The following DIP2B variants were observed in gnomAD, a reference collection of about 807,000 sequenced individuals.
DIP2B encodes disco-interacting protein 2 homolog B.
A neutral mutation model predicts 198.0 loss-of-function variants in DIP2B; 76 were observed. The ratio of observed to expected loss-of-function variants is 0.38; its 90% CI spans 0.32 to 0.46. The LOEUF (loss-of-function observed/expected upper bound fraction) is 0.46, where lower values mean the gene tolerates loss of function less well. Among genes scored for constraint, DIP2B ranks in the 20% least tolerant of loss-of-function variants. DIP2B has a pLI of 0.99. For synonymous variants in DIP2B, 701 were observed against 739.1 expected (o/e 0.95, Z 0.84); for missense variants, 1,559 against 1,978.4 (o/e 0.79, Z 4.02).
chr12:50,665,631 A>T (rs1938738728), intron 4 of DIP2B, among the ~76,000 whole-genome samples: 2 of 152,116 alleles, frequency 1.3e-5, no homozygotes, highest in East Asian at 1.9e-4. Context: ...TAAAAATTTT[A>T]AAAATTAGCT....
At chr12:50,572,180 CAT>C (rs761270992) in intron 1 of DIP2B, among the ~76,000 whole-genome samples, 1 of 152,118 alleles carries the variant, frequency 6.6e-6, no homozygotes, top group African/African-American at 2.4e-5. Context: ...ACTTTATCCT[CAT>C]GTGTGTTCCA....
At chr12:50,725,852 A>G (rs1027375716) in intron 28 of DIP2B, among the ~76,000 whole-genome samples, 11 of 138,984 alleles carry the variant, frequency 7.9e-5, no homozygotes, top group African/African-American at 2.7e-4. Flanking sequence ...TGTCCTCCCT[A>G]CCCTTTTTTT....
At chr12:50,672,566 AT>A (rs1703378082) in intron 5 of DIP2B, among the ~76,000 whole-genome samples, 1 of 152,170 alleles carries the variant, frequency 6.6e-6, no homozygotes, top group African/African-American at 2.4e-5. Flanking sequence ...CCAACCGTAT[AT>A]TTTTCATTGC....
intron 1 of DIP2B, among the ~76,000 whole-genome samples, chr12:50,515,239 CT>C (rs59468439): frequency 0.1 from 14,050 of 140,560 alleles, 1,068 homozygotes; most frequent in East Asian, 0.37. Context: ...CACTGTGGAC[CT>C]TTTTTTTTTT....
chr12:50,629,775 A>G (rs976899083), intron 2 of DIP2B, among the ~76,000 whole-genome samples: 12 of 151,690 alleles, frequency 7.9e-5, no homozygotes, highest in African/African-American at 2.4e-4. Flanking sequence ...ACAACATCCA[A>G]CCTGCTCCTG....
intron 6 of DIP2B, 43 bp downstream of exon 6, chr12:50,674,672 A>G: frequency 6.2e-7 from 1 of 1,606,130 alleles, no homozygotes; most frequent in Non-Finnish European, 8.5e-7. Context: ...TGTAAACTAA[A>G]CTAGAAAAAT....
chr12:50,636,809 C>CA (rs989752420), intron 2 of DIP2B, among the ~76,000 whole-genome samples: 1 of 152,168 alleles, frequency 6.6e-6, no homozygotes, highest in African/African-American at 2.4e-5. Flanking sequence ...TTCCTGATGT[C>CA]AAGTGGCCAA....
chr12:50,632,970 G>T (rs963313321), intron 2 of DIP2B, among the ~76,000 whole-genome samples: 4 of 151,862 alleles, frequency 2.6e-5, no homozygotes, highest in Admixed American at 6.6e-5. Flanking sequence ...TTAGAGACAG[G>T]ATCTCGCTAT....
At chr12:50,637,973 T>C (rs1938188575) in intron 2 of DIP2B, among the ~76,000 whole-genome samples, 1 of 152,222 alleles carries the variant, frequency 6.6e-6, no homozygotes, top group African/African-American at 2.4e-5. Context: ...TACATACATA[T>C]TGATCATTGA....
chr12:50,612,970 T>G (rs1565844872), intron 1 of DIP2B, among the ~76,000 whole-genome samples: 1 of 152,206 alleles, frequency 6.6e-6, no homozygotes, highest in South Asian at 2.1e-4. Flanking sequence ...ACTAAAAACA[T>G]TCTGTTCTCC....
chr12:50,604,678 T>C (rs1240055434), intron 1 of DIP2B, among the ~76,000 whole-genome samples: 2 of 152,156 alleles, frequency 1.3e-5, no homozygotes, highest in Non-Finnish European at 2.9e-5. Context: ...GGCTGGGCTC[T>C]AGCCATCCTT....
At chr12:50,545,128 G>A (rs909404887) in intron 1 of DIP2B, among the ~76,000 whole-genome samples, 5 of 152,072 alleles carry the variant, frequency 3.3e-5, no homozygotes, top group Non-Finnish European at 7.4e-5. Flanking sequence ...TATGTTTTGT[G>A]GTGCCCATAT....
chr12:50,585,098 T>C (rs917911502), intron 1 of DIP2B, among the ~76,000 whole-genome samples: 2 of 152,222 alleles, frequency 1.3e-5, no homozygotes, highest in Non-Finnish European at 2.9e-5. Context: ...TGTTTCTGGC[T>C]CTCATCCTTA....
At chr12:50,590,784 A>G (rs1365692639) in intron 1 of DIP2B, among the ~76,000 whole-genome samples, 1 of 152,230 alleles carries the variant, frequency 6.6e-6, no homozygotes, top group Non-Finnish European at 1.5e-5. Context: ...TAAAATGTGT[A>G]GATTGATCAA....
chr12:50,522,034 T>C (rs1190401605), intron 1 of DIP2B, among the ~76,000 whole-genome samples: 1 of 152,072 alleles, frequency 6.6e-6, no homozygotes, highest in African/African-American at 2.4e-5. Flanking sequence ...AGAGTCTTGC[T>C]CTGTCACCCA....
At chr12:50,708,619 C>A in intron 22 of DIP2B, 57 bp downstream of exon 22, 1 of 1,403,902 alleles carries the variant, frequency 7.1e-7, no homozygotes, top group Non-Finnish European at 9.9e-7. Flanking sequence ...ACTGCCTAAG[C>A]ATTTCATTTT....
rs1052216693 is a variant in DIP2B, at chr12:50,521,108, T to G, written c.100+15868T>G. Among the ~76,000 whole-genome samples the G allele has an allele frequency of 5.4e-5, 8 of 149,516 alleles. No homozygotes were observed. In the South Asian group the frequency reaches 8.5e-4, roughly 16 times the overall value. ...ATTCAGCAACAGTTTTTTTTTTTTTTTTTTTTTTTTTAATTTGAGATGGAG... is the reference window on the plus strand; with the variant it reads ...ATTCAGCAACAGTTTTTTTTTTTTTGTTTTTTTTTTTAATTTGAGATGGAG... On this transcript the variant is annotated intron_variant, in intron 1 of 37. Coordinates refer to ENST00000301180, the MANE Select transcript of DIP2B (RefSeq NM_173602.3).
At chr12:50,688,691 A>G (rs558877232) in intron 12 of DIP2B, among the ~76,000 whole-genome samples, 2 of 152,110 alleles carry the variant, frequency 1.3e-5, no homozygotes, top group African/African-American at 4.8e-5. Flanking sequence ...AAAAATACCA[A>G]ATTTAGTGAT....
At chr12:50,574,175 A>T (rs1317063165) in intron 1 of DIP2B, among the ~76,000 whole-genome samples, 1 of 152,112 alleles carries the variant, frequency 6.6e-6, no homozygotes, top group Admixed American at 6.5e-5. Flanking sequence ...TGTAACCTTT[A>T]AAAAAAATCT....
Sources: gnomAD v4.1 joint callset for allele counts (sites outside exome capture counted in the v4.1 genomes callset) on GRCh38, gnomAD v4.1.1 for gene constraint, MANE v1.5 for transcripts, NCBI Gene and HGNC (gene_info 2026-07-23, HGNC 2026-07-21) for gene names.